NRXN3: variants seen among roughly 807,000 people sequenced by gnomAD.
NRXN3 encodes neurexin 3.
In NRXN3, 32 loss-of-function variants were observed where a neutral mutation model predicts 137.6. The observed-to-expected ratio is 0.23, with a 90% confidence interval of 0.18 to 0.31. The LOEUF is 0.31. NRXN3 is among the 10% of genes least tolerant of loss of function. The probability of loss-of-function intolerance (pLI) is 1.00; values close to 1 mark genes in which losing one functional copy is unlikely to be tolerated. For synonymous variants in NRXN3, 798 were observed against 784.5 expected, an observed-to-expected ratio of 1.02 and a Z score of -0.29; for missense variants, 1,574 against 2,062.5, an observed-to-expected ratio of 0.76 and a Z score of 4.59.
At chr14:78,254,505 C>T (rs563399703) in intron 2 of NRXN3, among the ~76,000 whole-genome samples, 3 of 151,998 alleles carry the variant, frequency 2.0e-5, no homozygotes, top group Non-Finnish European at 4.4e-5. Flanking sequence ...ATGGTGAAAC[C>T]CCATCTCTAC....
At chr14:78,741,196 A>G (rs990962097) in intron 8 of NRXN3, among the ~76,000 whole-genome samples, 1 of 152,222 alleles carries the variant, frequency 6.6e-6, no homozygotes, top group African/African-American at 2.4e-5. Flanking sequence ...ATTTTCCTCC[A>G]GAAAATCCAG....
chr14:79,298,358 C>T (rs184211349), intron 15 of NRXN3, among the ~76,000 whole-genome samples: 1 of 152,014 alleles, frequency 6.6e-6, no homozygotes, highest in Admixed American at 6.6e-5. Context: ...GTGTTGAAAG[C>T]AAATCCTTTC....
At chr14:78,511,408 C>G (rs921843075) in intron 4 of NRXN3, among the ~76,000 whole-genome samples, 1 of 152,156 alleles carries the variant, frequency 6.6e-6, no homozygotes, top group Non-Finnish European at 1.5e-5. Flanking sequence ...TGAACCTTAA[C>G]ATCTCAGTGG....
chr14:79,521,916 A>C (rs1420265209), intron 16 of NRXN3, among the ~76,000 whole-genome samples: 1 of 152,168 alleles, frequency 6.6e-6, no homozygotes, highest in Non-Finnish European at 1.5e-5. Context: ...ACCATTTGTA[A>C]ACTATCATTG....
At chr14:79,392,312 A>G (rs528771337) in intron 15 of NRXN3, among the ~76,000 whole-genome samples, 72 of 152,314 alleles carry the variant, frequency 4.7e-4, no homozygotes, top group African/African-American at 1.6e-3. Flanking sequence ...TGTCCCTGCG[A>G]AGTACACGAA....
intron 8 of NRXN3, among the ~76,000 whole-genome samples, chr14:78,784,223 G>C (rs2098781146): frequency 6.6e-6 from 1 of 152,170 alleles, no homozygotes; most frequent in Non-Finnish European, 1.5e-5. Context: ...TTGGGCTAGG[G>C]CCTGAATGGG....
intron 15 of NRXN3, among the ~76,000 whole-genome samples, chr14:79,325,715 A>G (rs904646385): frequency 1.3e-5 from 2 of 152,108 alleles, no homozygotes; most frequent in African/African-American, 4.8e-5. Context: ...GCAGCTGTCA[A>G]CTGTTCCCCA....
At chr14:78,178,239 G>A (rs537478631) in intron 1 of NRXN3, among the ~76,000 whole-genome samples, 33 of 152,318 alleles carry the variant, frequency 2.2e-4, no homozygotes, top group Middle Eastern at 6.8e-3. Context: ...CCGCAAGTCT[G>A]GAAACTTGAT....
intron 1 of NRXN3, among the ~76,000 whole-genome samples, chr14:78,226,973 A>G (rs894733188): frequency 1.3e-5 from 2 of 152,172 alleles, no homozygotes; most frequent in Non-Finnish European, 2.9e-5. Flanking sequence ...GCATTTAATT[A>G]CTGCAGGATG....
At chr14:79,565,681 T>C (rs866231834) in intron 16 of NRXN3, among the ~76,000 whole-genome samples, 8 of 151,938 alleles carry the variant, frequency 5.3e-5, no homozygotes, top group Middle Eastern at 3.2e-3. Context: ...AATGGAAGGA[T>C]GAATAATACC....
chr14:79,049,607 C>A (rs776835535), intron 15 of NRXN3, among the ~76,000 whole-genome samples: 30 of 152,108 alleles, frequency 2.0e-4, no homozygotes, highest in Non-Finnish European at 3.7e-4. Flanking sequence ...ATGATGAATC[C>A]TTTTCAGAAG....
At chr14:78,524,260 A>G (rs936599566) in intron 4 of NRXN3, among the ~76,000 whole-genome samples, 2 of 152,186 alleles carry the variant, frequency 1.3e-5, no homozygotes, top group Admixed American at 6.5e-5. Flanking sequence ...TCAGGGCCAC[A>G]TTCTTCCGGG....
intron 10 of NRXN3, among the ~76,000 whole-genome samples, chr14:78,826,753 G>A (rs1195660634): frequency 6.6e-6 from 1 of 152,028 alleles, no homozygotes; most frequent in African/African-American, 2.4e-5. Flanking sequence ...TCTATATTTT[G>A]GTATACTTTT....
At chr14:78,225,955 GTGT>G (rs2064515995) in intron 1 of NRXN3, among the ~76,000 whole-genome samples, 1 of 130,798 alleles carries the variant, frequency 7.6e-6, no homozygotes, top group South Asian at 2.4e-4. Context: ...TTTTTTTGGT[GTGT>G]GTGTGTGTGT....
At chr14:78,661,588 T>C (rs1352055476) in intron 6 of NRXN3, among the ~76,000 whole-genome samples, 1 of 152,180 alleles carries the variant, frequency 6.6e-6, no homozygotes, top group Non-Finnish European at 1.5e-5. Context: ...AAATTGTGCA[T>C]CTGTGTTATC....
intron 8 of NRXN3, among the ~76,000 whole-genome samples, chr14:78,735,293 T>C (rs569887884): frequency 8.8e-4 from 134 of 152,256 alleles, no homozygotes; most frequent in African/African-American, 2.5e-3. Context: ...TGCAAACATC[T>C]CAATATCAAA....
intron 19 of NRXN3, among the ~76,000 whole-genome samples, chr14:79,804,900 C>T (rs548506841): frequency 3.6e-4 from 54 of 152,034 alleles, no homozygotes; most frequent in Non-Finnish European, 5.9e-4. Flanking sequence ...CTACGGAAGA[C>T]CCCCCTAAGA....
intron 15 of NRXN3, among the ~76,000 whole-genome samples, chr14:79,264,522 A>ATGTG (rs34099529): frequency 0.029 from 4,183 of 145,252 alleles, 74 homozygotes; most frequent in African/African-American, 0.058. Flanking sequence ...TGTTTACATG[A>ATGTG]TGTGTGTGTG....
At chr14:78,364,907 C>T (rs564830071) in intron 4 of NRXN3, among the ~76,000 whole-genome samples, 3 of 152,166 alleles carry the variant, frequency 2.0e-5, no homozygotes, top group East Asian at 1.9e-4. Flanking sequence ...CGTTCAGAAC[C>T]GATACAAACT....
Sources: gnomAD v4.1 joint callset for allele counts (sites outside exome capture counted in the v4.1 genomes callset) on GRCh38, gnomAD v4.1.1 for gene constraint, MANE v1.5 for transcripts, NCBI Gene and HGNC (gene_info 2026-07-23, HGNC 2026-07-21) for gene names.